CCDC6: variants seen among roughly 807,000 people sequenced by gnomAD.
CCDC6 encodes coiled-coil domain-containing protein 6.
In CCDC6, 20 loss-of-function variants were observed where a neutral mutation model predicts 56.6. The observed-to-expected ratio is 0.35, with a 90% CI of 0.25 to 0.51. CCDC6 has a LOEUF of 0.51. Among genes scored for constraint, CCDC6 ranks in the 20% least tolerant of loss-of-function variants. CCDC6 has a pLI of 0.95. For synonymous variants in CCDC6, 241 were observed against 234.4 expected (o/e 1.03, Z -0.26); for missense variants, 367 against 601.1 (o/e 0.61, Z 4.07).
chr10:59,822,876 T>C (rs540975779), intron 3 of CCDC6, among the ~76,000 whole-genome samples: 17 of 150,374 alleles, frequency 1.1e-4, no homozygotes, highest in Non-Finnish European at 1.8e-4. Flanking sequence ...CCCATGGCCC[T>C]GTCCCACCCC....
chr10:59,827,770 A>T (rs920003491), intron 3 of CCDC6, among the ~76,000 whole-genome samples: 31 of 152,334 alleles, frequency 2.0e-4, no homozygotes, highest in African/African-American at 7.5e-4. Flanking sequence ...ATAACTGAAA[A>T]AAAGACACAG....
chr10:59,859,453 T>G (rs931650690), intron 1 of CCDC6, among the ~76,000 whole-genome samples: 1 of 152,152 alleles, frequency 6.6e-6, no homozygotes, highest in African/African-American at 2.4e-5. Flanking sequence ...ATATGATGAA[T>G]GAGCAGCAAG....
chr10:59,820,049 A>C (rs149302949), intron 3 of CCDC6, among the ~76,000 whole-genome samples: 3,695 of 152,338 alleles, frequency 0.024, 80 homozygotes, highest in Non-Finnish European at 0.037. Context: ...TCTTCAATGA[A>C]TAAACTTAAT....
intron 2 of CCDC6, among the ~76,000 whole-genome samples, chr10:59,845,112 C>T (rs1032278225): frequency 6.6e-6 from 1 of 152,136 alleles, no homozygotes; most frequent in Non-Finnish European, 1.5e-5. Flanking sequence ...TAGGGTCCAT[C>T]GATAGTGGGG....
At chr10:59,893,919 C>A (rs1277153165) in intron 1 of CCDC6, among the ~76,000 whole-genome samples, 1 of 152,134 alleles carries the variant, frequency 6.6e-6, no homozygotes. Flanking sequence ...CTGCTTACTG[C>A]GATCTTCAAG....
chr10:59,822,444 G>A (rs540133413), intron 3 of CCDC6, among the ~76,000 whole-genome samples: 4 of 152,136 alleles, frequency 2.6e-5, no homozygotes, highest in Non-Finnish European at 4.4e-5. Flanking sequence ...TCTTTTAACC[G>A]ATAATTGCCG....
At chr10:59,876,815 T>G (rs868217861) in intron 1 of CCDC6, among the ~76,000 whole-genome samples, 1 of 152,188 alleles carries the variant, frequency 6.6e-6, no homozygotes, top group Non-Finnish European at 1.5e-5. Context: ...TTTCATTACA[T>G]TGAGATTTTT....
intron 1 of CCDC6, among the ~76,000 whole-genome samples, chr10:59,905,151 G>C (rs1439145326): frequency 6.6e-6 from 1 of 152,104 alleles, no homozygotes; most frequent in East Asian, 1.9e-4. Flanking sequence ...GAGCTGGCAG[G>C]GATGATAGGT....
At chr10:59,811,449 C>A (rs1407134390) in intron 5 of CCDC6, among the ~76,000 whole-genome samples, 1 of 152,058 alleles carries the variant, frequency 6.6e-6, no homozygotes, top group Non-Finnish European at 1.5e-5. Context: ...AGCATAGCAA[C>A]CAAAAAGGGT....
At chr10:59,892,183 C>T (rs902922655) in intron 1 of CCDC6, among the ~76,000 whole-genome samples, 2 of 152,208 alleles carry the variant, frequency 1.3e-5, no homozygotes, top group Admixed American at 6.5e-5. Context: ...GAAAGAGGGT[C>T]AAAAGTCTCT....
chr10:59,830,801 C>G (rs1011129594), intron 3 of CCDC6, among the ~76,000 whole-genome samples: 3 of 152,182 alleles, frequency 2.0e-5, no homozygotes, highest in African/African-American at 7.2e-5. Context: ...TGACACTAGG[C>G]CACTACCTCC....
chr10:59,794,606 T>C lies in CCDC6; in HGVS notation c.1106-9A>G. On this transcript the variant is annotated splice_polypyrimidine_tract_variant and intron_variant, in intron 7 of 8. Transcript: ENST00000263102. Reference sequence around the variant, plus strand: ...ACTTGCATATGATAGACCTAAAATATAACAACAAATTAAGTATCATTTTAA... The same window carrying C: ...ACTTGCATATGATAGACCTAAAATACAACAACAAATTAAGTATCATTTTAA... The C allele has an allele frequency of 1.2e-6, 2 of 1,613,118 alleles. No homozygotes were observed. The highest frequency in any genetic ancestry group is 4.5e-5 in the East Asian group (2 of 44,866).
At chr10:59,847,684 T>C (rs2071004352) in intron 2 of CCDC6, among the ~76,000 whole-genome samples, 2 of 152,024 alleles carry the variant, frequency 1.3e-5, no homozygotes, top group African/African-American at 4.8e-5. Flanking sequence ...AAATAAGATG[T>C]TTTCTAGTTA....
chr10:59,810,062 C>T (rs995469080), intron 5 of CCDC6, among the ~76,000 whole-genome samples: 1 of 152,172 alleles, frequency 6.6e-6, no homozygotes, highest in Non-Finnish European at 1.5e-5. Context: ...AAGGATGAGT[C>T]CTAGCCACTG....
At chr10:59,842,672 G>GGTTATGT (rs1740815712) in intron 2 of CCDC6, among the ~76,000 whole-genome samples, 2 of 151,162 alleles carry the variant, frequency 1.3e-5, no homozygotes, top group African/African-American at 4.9e-5. Flanking sequence ...CTACACTTAA[G>GGTTATGT]TTTGAGCTTT....
At chr10:59,811,744 G>A (rs568130017) in intron 5 of CCDC6, among the ~76,000 whole-genome samples, 1 of 151,912 alleles carries the variant, frequency 6.6e-6, no homozygotes, top group Non-Finnish European at 1.5e-5. Flanking sequence ...ACATGTACAG[G>A]TTTGACATCC....
chr10:59,879,009 T>A (rs1263282108), intron 1 of CCDC6, among the ~76,000 whole-genome samples: 1 of 152,200 alleles, frequency 6.6e-6, no homozygotes, highest in Non-Finnish European at 1.5e-5. Context: ...TTAGCAGTTA[T>A]CATCTCACTG....
intron 1 of CCDC6, among the ~76,000 whole-genome samples, chr10:59,857,866 T>TC (rs1423282945): frequency 6.6e-6 from 1 of 152,164 alleles, no homozygotes; most frequent in African/African-American, 2.4e-5. Context: ...TAAAATAGCA[T>TC]CTGAAACCAC....
At chr10:59,818,835 C>T (rs2070729890) in intron 3 of CCDC6, among the ~76,000 whole-genome samples, 1 of 151,696 alleles carries the variant, frequency 6.6e-6, no homozygotes, top group Admixed American at 6.6e-5. Context: ...ATATGCTAAT[C>T]ATACAAACAC....
Sources: allele counts gnomAD v4.1 joint callset (sites outside exome capture counted in the v4.1 genomes callset), GRCh38; gene constraint gnomAD v4.1.1; transcripts MANE v1.5; gene names NCBI Gene and HGNC (gene_info 2026-07-23, HGNC 2026-07-21).